The following CSTF3 variants were observed in gnomAD, a reference collection of about 807,000 sequenced individuals.
CSTF3 encodes cleavage stimulation factor subunit 3.
A neutral mutation model predicts 105.8 loss-of-function variants in CSTF3; 29 were observed. The observed-to-expected ratio is 0.27, with a 90% confidence interval of 0.20 to 0.37. The LOEUF (loss-of-function observed/expected upper bound fraction) is 0.37. CSTF3 is among the 10% of genes least tolerant of loss of function. The probability of loss-of-function intolerance (pLI) is 1.00; values close to 1 mark genes in which losing one functional copy is unlikely to be tolerated. For synonymous variants in CSTF3, 252 were observed against 281.9 expected, an observed-to-expected ratio of 0.89 and a Z score of 1.06; for missense variants, 357 against 879.3, an observed-to-expected ratio of 0.41 and a Z score of 7.51.
At chr11:33,113,284 AACTT>A (rs1425797513) in intron 3 of CSTF3, among the ~76,000 whole-genome samples, 2 of 152,176 alleles carry the variant, frequency 1.3e-5, no homozygotes, top group Admixed American at 6.5e-5. Flanking sequence ...AATTTTGCAA[AACTT>A]ACTAAGACTT....
rs1426570514 is a variant in CSTF3, at chr11:33,102,167, A to G, written c.826+10T>C. On this transcript the variant is annotated intron_variant, in intron 10 of 20. Coordinates refer to ENST00000323959, the MANE Select transcript of CSTF3 (RefSeq NM_001326.3). ...TGTAACTGAAGTCCCATGAGGGTTA[A>G]TCATGTTACCTCTTTTTGTTATAAG... The G allele has an allele frequency of 1.9e-6, 3 of 1,612,320 alleles. No homozygotes were observed. The highest frequency in any genetic ancestry group is 1.1e-5 in the South Asian group (1 of 90,978).
At chr11:33,142,135 AC>A (rs1322524491) in intron 1 of CSTF3, 149 bp from the exon 2 acceptor site, 38 of 1,360,256 alleles carry the variant, frequency 2.8e-5, no homozygotes, top group South Asian at 1.0e-4. Context: ...GTTTCCTAGA[AC>A]CGATGTGTAC....
chr11:33,117,359 C>T (rs566762021), intron 3 of CSTF3, among the ~76,000 whole-genome samples: 160 of 151,860 alleles, frequency 1.1e-3, no homozygotes, highest in Non-Finnish European at 2.0e-3. Context: ...TAAGGGTATA[C>T]GAAGGATCTG....
intron 17 of CSTF3, among the ~76,000 whole-genome samples, chr11:33,089,383 C>A (rs1236718795): frequency 1.3e-5 from 2 of 150,554 alleles, no homozygotes; most frequent in Admixed American, 6.6e-5. Flanking sequence ...TATAGGAAAA[C>A]CAATTTTTTT....
At chr11:33,148,705 A>AC (rs1266814580) in intron 1 of CSTF3, among the ~76,000 whole-genome samples, 1 of 151,876 alleles carries the variant, frequency 6.6e-6, no homozygotes, top group East Asian at 1.9e-4. Flanking sequence ...AAAAAAAAAA[A>AC]AAACTATGCT....
intron 1 of CSTF3, among the ~76,000 whole-genome samples, chr11:33,151,721 C>T (rs2133806973): frequency 6.6e-6 from 1 of 152,124 alleles, no homozygotes; most frequent in African/African-American, 2.4e-5. Flanking sequence ...GGATATATAC[C>T]TAGAAATGGA....
At chr11:33,128,110 A>C (rs1855562680) in intron 3 of CSTF3, among the ~76,000 whole-genome samples, 1 of 152,180 alleles carries the variant, frequency 6.6e-6, no homozygotes, top group South Asian at 2.1e-4. Flanking sequence ...ATTTAGTAAA[A>C]ACAAATTTTA....
intron 17 of CSTF3, among the ~76,000 whole-genome samples, chr11:33,087,681 C>G (rs978525575): frequency 6.6e-6 from 1 of 152,198 alleles, no homozygotes; most frequent in Non-Finnish European, 1.5e-5. Flanking sequence ...ATTCATCAGG[C>G]AATTTTAGCC....
At chr11:33,144,418 T>G (rs1042457420) in intron 1 of CSTF3, among the ~76,000 whole-genome samples, 4 of 152,216 alleles carry the variant, frequency 2.6e-5, no homozygotes, top group African/African-American at 9.7e-5. Context: ...AAGGGACTAT[T>G]GGCTCTTCCC....
intron 1 of CSTF3, among the ~76,000 whole-genome samples, chr11:33,157,142 C>A (rs568086392): frequency 6.6e-6 from 1 of 152,214 alleles, no homozygotes; most frequent in South Asian, 2.1e-4. Flanking sequence ...CACTTGAGGT[C>A]AGGAGTTCAA....
intron 1 of CSTF3, among the ~76,000 whole-genome samples, chr11:33,160,350 T>C (rs1333082093): frequency 1.3e-5 from 2 of 152,196 alleles, no homozygotes; most frequent in East Asian, 3.8e-4. Flanking sequence ...TCTTCCACGT[T>C]ATAAGCTAGG....
intron 1 of CSTF3, among the ~76,000 whole-genome samples, chr11:33,155,186 C>T (rs763882359): frequency 1.3e-5 from 2 of 151,886 alleles, no homozygotes; most frequent in Non-Finnish European, 2.9e-5. Context: ...GAAACCCCAT[C>T]TCTATTAAAA....
chr11:33,119,613 C>T (rs1733312455), intron 3 of CSTF3, among the ~76,000 whole-genome samples: 2 of 151,734 alleles, frequency 1.3e-5, no homozygotes, highest in Admixed American at 1.3e-4. Flanking sequence ...AGAAATAGCC[C>T]ATTTCCTCAT....
intron 3 of CSTF3, among the ~76,000 whole-genome samples, chr11:33,112,576 A>G (rs1855390553): frequency 6.6e-6 from 1 of 152,132 alleles, no homozygotes; most frequent in South Asian, 2.1e-4. Context: ...TGTTACTATA[A>G]TTGGCCCATT....
intron 3 of CSTF3, among the ~76,000 whole-genome samples, chr11:33,121,704 A>G (rs1196909644): frequency 6.6e-6 from 1 of 152,086 alleles, no homozygotes; most frequent in Non-Finnish European, 1.5e-5. Flanking sequence ...AGTTGAAGGG[A>G]AAAAAACCTG....
intron 1 of CSTF3, among the ~76,000 whole-genome samples, chr11:33,157,430 T>C (rs1278310346): frequency 1.3e-5 from 2 of 152,070 alleles, no homozygotes; most frequent in Non-Finnish European, 2.9e-5. Flanking sequence ...ACAGAAATCA[T>C]ATGTTTGTTA....
intron 3 of CSTF3, among the ~76,000 whole-genome samples, chr11:33,137,028 A>C (rs1032258955): frequency 2.0e-5 from 3 of 151,850 alleles, no homozygotes; most frequent in Non-Finnish European, 4.4e-5. Context: ...TTTTTATCAT[A>C]AACCTTTTTC....
intron 15 of CSTF3, among the ~76,000 whole-genome samples, chr11:33,094,469 GGATGGATA>G (rs1463571417): frequency 6.6e-5 from 10 of 152,028 alleles, no homozygotes; most frequent in African/African-American, 2.4e-4. Context: ...AATGTTTCAT[GGATGGATA>G]GATGGATAGA....
Position 33,085,774 on chromosome 11 carries a change from C to CTATT in CSTF3, c.1891-5_1891-2dup. ...GTTCATCCACTTGTACAAAAGGACC[C>CTATT]TATTTTTGACATGAATAAATTTTAA... On this transcript the variant is annotated splice_acceptor_variant, in intron 19 of 20. Transcript: ENST00000323959. LOFTEE classifies it high-confidence loss of function. The CTATT allele has an allele frequency of 6.2e-7, 1 of 1,613,358 alleles. No homozygotes were observed. Among genetic ancestry groups the CTATT allele is most frequent in the Non-Finnish European group, 8.5e-7 (1 of 1,179,350 alleles).
Sources: allele counts gnomAD v4.1 joint callset (sites outside exome capture counted in the v4.1 genomes callset), GRCh38; gene constraint gnomAD v4.1.1; transcripts MANE v1.5; gene names NCBI Gene and HGNC (gene_info 2026-07-23, HGNC 2026-07-21).